The following TRDN variants were observed in gnomAD, a reference collection of about 807,000 sequenced individuals.
The protein encoded by TRDN is triadin in skeletal muscle.
TRDN carries 161 observed loss-of-function variants against 149.7 expected under a neutral mutation model. That is an observed-to-expected ratio of 1.08 (90% CI 0.95 to 1.23). The LOEUF (loss-of-function observed/expected upper bound fraction) is 1.23, where lower values mean the gene tolerates loss of function less well. Ranked by LOEUF, TRDN falls within the 50% of genes most tolerant of loss-of-function variation. The probability of loss-of-function intolerance (pLI) is 0.00; values close to 1 mark genes in which losing one functional copy is unlikely to be tolerated. For missense variants in TRDN, 896 were observed against 823.5 expected (o/e 1.09, Z -1.08); for synonymous variants, 294 against 250.5 (o/e 1.17, Z -1.64).
intron 4 of TRDN, among the ~76,000 whole-genome samples, chr6:123,532,952 C>T (rs946818811): frequency 6.6e-6 from 1 of 151,938 alleles, no homozygotes; most frequent in African/African-American, 2.4e-5. Flanking sequence ...TTGATATTCT[C>T]TCCTGTCAAT....
chr6:123,535,180 A>G (rs1478181457), intron 4 of TRDN, among the ~76,000 whole-genome samples: 1 of 152,138 alleles, frequency 6.6e-6, no homozygotes, highest in Non-Finnish European at 1.5e-5. Flanking sequence ...ACGGAAAAAA[A>G]GTTACAATTA....
At chr6:123,628,339 G>C (rs1785785618) in intron 1 of TRDN, among the ~76,000 whole-genome samples, 1 of 152,032 alleles carries the variant, frequency 6.6e-6, no homozygotes. Flanking sequence ...GAGAAGGAGA[G>C]ATAGTGGGAA....
chr6:123,569,720 C>T (rs1308603004), intron 2 of TRDN, among the ~76,000 whole-genome samples: 1 of 151,934 alleles, frequency 6.6e-6, no homozygotes, highest in Non-Finnish European at 1.5e-5. Flanking sequence ...GAGAGTGGAG[C>T]AGGGAGGTGC....
At chr6:123,456,729 A>G (rs1015599071) in intron 10 of TRDN, 24 of 445,382 alleles carry the variant, frequency 5.4e-5, no homozygotes, top group African/African-American at 4.6e-4. Context: ...TTGGCCTCCC[A>G]AAGTGTTGGG....
At chr6:123,331,969 A>C in intron 22 of TRDN, 40 bp from the exon 23 acceptor site, 3 of 1,474,896 alleles carry the variant, frequency 2.0e-6, no homozygotes, top group Non-Finnish European at 1.8e-6. Flanking sequence ...AGCCAAGACA[A>C]AGAGATTTTC....
chr6:123,476,146 A>G (rs201338773), intron 9 of TRDN, among the ~76,000 whole-genome samples: 1 of 114,508 alleles, frequency 8.7e-6, no homozygotes, highest in African/African-American at 3.4e-5. Context: ...ACATGATTGT[A>G]TATCTAGAAA....
intron 4 of TRDN, among the ~76,000 whole-genome samples, chr6:123,545,715 C>A (rs904882084): frequency 6.6e-6 from 1 of 151,880 alleles, no homozygotes; most frequent in Non-Finnish European, 1.5e-5. Context: ...ATAAACATTT[C>A]TAACATTTTT....
At chr6:123,279,562 T>C (rs1346920) in intron 24 of TRDN, among the ~76,000 whole-genome samples, 27,212 of 151,366 alleles carry the variant, frequency 0.18, 3,065 homozygotes, top group East Asian at 0.53. Flanking sequence ...ATCTAGTACC[T>C]GTCTGTCACT....
At chr6:123,361,207 A>G (rs1402634368) in intron 20 of TRDN, among the ~76,000 whole-genome samples, 1 of 152,188 alleles carries the variant, frequency 6.6e-6, no homozygotes, top group Non-Finnish European at 1.5e-5. Flanking sequence ...CAGCCATAAA[A>G]AAACGATGAG....
intron 38 of TRDN, among the ~76,000 whole-genome samples, chr6:123,228,204 G>C (rs1304557273): frequency 6.6e-6 from 1 of 151,852 alleles, no homozygotes; most frequent in African/African-American, 2.4e-5. Flanking sequence ...TTATAGGTGG[G>C]ACAATTAAAA....
intron 14 of TRDN, among the ~76,000 whole-genome samples, chr6:123,384,734 T>C (rs1385542490): frequency 1.3e-5 from 2 of 152,078 alleles, no homozygotes; most frequent in Non-Finnish European, 2.9e-5. Context: ...AAACTCAAAA[T>C]GTCATGATAA....
chr6:123,502,308 T>C (rs1446557312), intron 8 of TRDN: 11 of 852,438 alleles, frequency 1.3e-5, no homozygotes, highest in Non-Finnish European at 1.6e-5. Context: ...AATGACATAA[T>C]TTTGATGGAA....
chr6:123,344,332 T>C (rs1780174733), intron 21 of TRDN, among the ~76,000 whole-genome samples: 2 of 152,030 alleles, frequency 1.3e-5, no homozygotes, highest in South Asian at 4.1e-4. Flanking sequence ...TTTATACATC[T>C]TATAGATTTT....
chr6:123,543,196 T>C (rs1204410639), intron 4 of TRDN, among the ~76,000 whole-genome samples: 1 of 152,088 alleles, frequency 6.6e-6, no homozygotes, highest in African/African-American at 2.4e-5. Context: ...ACCTTTGCAA[T>C]TACGTAAGCT....
intron 12 of TRDN, among the ~76,000 whole-genome samples, chr6:123,398,870 C>T (rs962008512): frequency 1.3e-5 from 2 of 152,146 alleles, no homozygotes; most frequent in Non-Finnish European, 2.9e-5. Context: ...TCAAAATAAT[C>T]TGTTATTGCT....
rs1218351144 is a variant in TRDN, at chr6:123,310,500, G to T, written c.1510+5957C>A. ...ATTTTGATAATGTAGCTTTTATGTGGGTGCAGGATTGCTATAACAAAGTTG... is the reference window on the plus strand; with the variant it reads ...ATTTTGATAATGTAGCTTTTATGTGTGTGCAGGATTGCTATAACAAAGTTG... On this transcript the variant is annotated intron_variant, in intron 24 of 40. Transcript: ENST00000334268. 2.0e-5 allele frequency among the ~76,000 whole-genome samples: 3 copies of T among 151,856 alleles called. No individual in the cohort carries two copies. In the Admixed American group the frequency reaches 2.0e-4, roughly 10 times the overall value.
chr6:123,270,662 T>A lies in TRDN; in HGVS notation c.1720+477A>T, dbSNP rs538310508. 3.4e-4 allele frequency among the ~76,000 whole-genome samples: 51 copies of A among 152,106 alleles called. No individual in the cohort carries two copies. In the East Asian group the frequency reaches 8.5e-3, roughly 25 times the overall value. On this transcript the variant is annotated intron_variant, in intron 30 of 40. Coordinates refer to ENST00000334268, the MANE Select transcript of TRDN (RefSeq NM_006073.4). ...GATAGATGGAGTGTTTTTACTTTAATATTTTATGTTCTGTTGATCATTCTC... is the reference window on the plus strand; with the variant it reads ...GATAGATGGAGTGTTTTTACTTTAAAATTTTATGTTCTGTTGATCATTCTC...
chr6:123,400,189 A>ATATATATATATATATATAT (rs10529008), intron 12 of TRDN, among the ~76,000 whole-genome samples: 1 of 146,338 alleles, frequency 6.8e-6, no homozygotes, highest in Non-Finnish European at 1.5e-5. Context: ...ATATATATAT[A>ATATATATATATATATATAT]AACACACACA....
intron 9 of TRDN, among the ~76,000 whole-genome samples, chr6:123,472,488 G>T (rs968641645): frequency 2.6e-5 from 4 of 152,200 alleles, no homozygotes; most frequent in African/African-American, 9.7e-5. Context: ...ACTGTAAGGC[G>T]GCAGCAAGGC....
Sources: gnomAD v4.1 joint callset for allele counts (sites outside exome capture counted in the v4.1 genomes callset) on GRCh38, gnomAD v4.1.1 for gene constraint, MANE v1.5 for transcripts, NCBI Gene and HGNC (gene_info 2026-07-23, HGNC 2026-07-21) for gene names.